ASIC2: variants seen among roughly 807,000 people sequenced by gnomAD.
The protein encoded by ASIC2 is acid sensing ion channel subunit 2, also known as acid-sensing ion channel 2.
In ASIC2, 25 loss-of-function variants were observed where a neutral mutation model predicts 57.3. The ratio of observed to expected loss-of-function variants is 0.44; its 90% CI spans 0.32 to 0.61. The LOEUF (loss-of-function observed/expected upper bound fraction) is 0.61, where lower values mean the gene tolerates loss of function less well. ASIC2 is among the 20% of genes least tolerant of loss of function. ASIC2 has a pLI of 0.06. For synonymous variants in ASIC2, 319 were observed against 307.5 expected, an observed-to-expected ratio of 1.04 and a Z score of -0.39; for missense variants, 641 against 738.1, an observed-to-expected ratio of 0.87 and a Z score of 1.52.
chr17:33,457,939 T>G (rs570537052), intron 1 of ASIC2, among the ~76,000 whole-genome samples: 35 of 152,326 alleles, frequency 2.3e-4, no homozygotes, highest in African/African-American at 8.2e-4. Flanking sequence ...GCTGCTACAC[T>G]GCACTACCCT....
intron 1 of ASIC2, among the ~76,000 whole-genome samples, chr17:33,589,198 G>T (rs1904745148): frequency 6.6e-6 from 1 of 152,192 alleles, no homozygotes; most frequent in Non-Finnish European, 1.5e-5. Flanking sequence ...GGAGCTCAGA[G>T]CTTAGTGTGG....
At chr17:34,013,829 G>A (rs1351523425) in intron 1 of ASIC2, among the ~76,000 whole-genome samples, 1 of 152,172 alleles carries the variant, frequency 6.6e-6, no homozygotes, top group Non-Finnish European at 1.5e-5. Flanking sequence ...CTCCAGGCAG[G>A]GGGCACCTGA....
chr17:33,869,158 C>T (rs1914323914), intron 1 of ASIC2, among the ~76,000 whole-genome samples: 1 of 152,152 alleles, frequency 6.6e-6, no homozygotes, highest in South Asian at 2.1e-4. Context: ...CGAAGTGACG[C>T]TCACTATCAT....
At position 33,877,648 on chromosome 17, in the gene ASIC2, G is replaced by A. The variant is rs1328210579; in HGVS notation, c.555+278330C>T. On this transcript the variant is annotated intron_variant, in intron 1 of 9. Coordinates refer to the ASIC2 transcript ENST00000359872. ...GGTGGAGCCCACTGCAGCTCAAGGAGGCCTGCCTGCCTCTGTAGACTCCAC... is the reference window on the plus strand; with the variant it reads ...GGTGGAGCCCACTGCAGCTCAAGGAAGCCTGCCTGCCTCTGTAGACTCCAC... Among the ~76,000 whole-genome samples the A allele has an allele frequency of 2.0e-5, 3 of 152,338 alleles. No homozygotes were observed. In the East Asian group the frequency reaches 5.8e-4, roughly 29 times the overall value.
chr17:33,136,209 C>T (rs2092366527), intron 1 of ASIC2, among the ~76,000 whole-genome samples: 1 of 152,186 alleles, frequency 6.6e-6, no homozygotes, highest in Non-Finnish European at 1.5e-5. Context: ...GCAATTTGCA[C>T]ATTTGTGTGT....
At chr17:33,103,064 T>A (rs1417222935) in intron 2 of ASIC2, among the ~76,000 whole-genome samples, 6 of 152,250 alleles carry the variant, frequency 3.9e-5, no homozygotes, top group Non-Finnish European at 7.3e-5. Flanking sequence ...ATTACAGGCC[T>A]GAGCCACAGC....
intron 1 of ASIC2, among the ~76,000 whole-genome samples, chr17:33,191,282 A>G (rs952615998): frequency 1.3e-5 from 2 of 152,164 alleles, no homozygotes; most frequent in Non-Finnish European, 2.9e-5. Flanking sequence ...TTGCCAGCTA[A>G]TCTACACTGA....
chr17:33,894,268 G>T (rs1445703468), intron 1 of ASIC2, among the ~76,000 whole-genome samples: 1 of 152,144 alleles, frequency 6.6e-6, no homozygotes, highest in African/African-American at 2.4e-5. Context: ...GGATGGGAAA[G>T]CCTGCTGGGC....
In ASIC2 at chr17:33,088,983, C is replaced by T. The variant is rs556982917; in HGVS notation, c.867G>A (p.Thr289=). 30 of 1,614,024 alleles carry T rather than the reference C, an allele frequency of 1.9e-5. No homozygotes were observed. The East Asian group carries it at 2.9e-4, about 16-fold the overall frequency. The change falls in exon 3 of 10, where the codon ACG becomes ACA. Residue 289 remains threonine, a synonymous_variant. Coordinates refer to ENST00000225823, the MANE Select transcript of ASIC2 (RefSeq NM_183377.2). ...GAACTTTCACTCCTGCTTCAAATGT[C>T]GTTTCCTCTGAAAGAACAAAGATGG... ...YLPIWGETEE[T]TFEAGVKVQI... is the part of the protein sequence containing the mutation.
chr17:33,830,572 G>A (rs1218046802), intron 1 of ASIC2, among the ~76,000 whole-genome samples: 1 of 151,618 alleles, frequency 6.6e-6, no homozygotes, highest in Non-Finnish European at 1.5e-5. Context: ...TTTACTTTAA[G>A]TTCTGGAATA....
intron 1 of ASIC2, among the ~76,000 whole-genome samples, chr17:33,218,940 A>T (rs552565279): frequency 6.6e-6 from 1 of 152,210 alleles, no homozygotes; most frequent in South Asian, 2.1e-4. Context: ...TGGAAGGGAG[A>T]GCTGAACTGG....
At chr17:33,355,851 T>C (rs550730977) in intron 1 of ASIC2, among the ~76,000 whole-genome samples, 76 of 152,196 alleles carry the variant, frequency 5.0e-4, no homozygotes, top group Non-Finnish European at 7.6e-4. Flanking sequence ...CAAAGTTTCT[T>C]GTTTGCTCAG....
intron 1 of ASIC2, among the ~76,000 whole-genome samples, chr17:33,991,654 G>A (rs16969084): frequency 0.026 from 4,008 of 152,240 alleles, 147 homozygotes; most frequent in African/African-American, 0.082. Context: ...CTTTCTCAAC[G>A]TTCCACAAAA....
intron 1 of ASIC2, among the ~76,000 whole-genome samples, chr17:33,298,928 C>T (rs4591196): frequency 0.49 from 73,943 of 151,938 alleles, 18,157 homozygotes; most frequent in East Asian, 0.74. Context: ...CACTGCTCAA[C>T]GAAATAAAAG....
chr17:33,823,746 T>G (rs1219385593), intron 1 of ASIC2, among the ~76,000 whole-genome samples: 1 of 152,222 alleles, frequency 6.6e-6, no homozygotes, highest in Admixed American at 6.5e-5. Flanking sequence ...ATCTGGGTAC[T>G]CCATACACTG....
intron 1 of ASIC2, among the ~76,000 whole-genome samples, chr17:33,654,065 A>G (rs1177918203): frequency 6.6e-6 from 1 of 152,212 alleles, no homozygotes; most frequent in African/African-American, 2.4e-5. Flanking sequence ...TAACATACTC[A>G]GTGAACCTCA....
intron 1 of ASIC2, among the ~76,000 whole-genome samples, chr17:33,232,931 G>A (rs1340598170): frequency 6.6e-6 from 1 of 152,048 alleles, no homozygotes; most frequent in Non-Finnish European, 1.5e-5. Context: ...GGCCCCTTTG[G>A]TGGGCACCAA....
chr17:33,538,955 A>G (rs1915321543), intron 1 of ASIC2, among the ~76,000 whole-genome samples: 1 of 152,138 alleles, frequency 6.6e-6, no homozygotes, highest in Non-Finnish European at 1.5e-5. Flanking sequence ...TCAGACTCTC[A>G]TTTTCCCCCA....
chr17:33,025,980 C>T lies in ASIC2; in HGVS notation c.1141G>A (p.Asp381Asn). 1 of 1,613,670 alleles carries T rather than the reference C, an allele frequency of 6.2e-7. No homozygotes were observed. The highest frequency in any genetic ancestry group is 8.5e-7 in the Non-Finnish European group (1 of 1,179,798). ...TGCTCAGGGGTACAAAAAGGGGCATCCCCTGCAAAGAAGAAACACCAGACA... is the reference window on the plus strand; with the variant it reads ...TGCTCAGGGGTACAAAAAGGGGCATTCCCTGCAAAGAAGAAACACCAGACA... ...CNCRMVHMPG[D>N]APFCTPEQHK... Residue 381 changes from aspartate to asparagine, a missense_variant and splice_region_variant, in exon 5 of 10, where the codon GAT (aspartate) becomes AAT (asparagine). Physicochemically the swap from Asp to Asn is conservative, Grantham distance 23. Around this residue, in one of 3 missense-constraint regions of ASIC2, gnomAD observed 252 missense variants for 319.8 expected, o/e 0.79. Coordinates refer to ENST00000225823, the MANE Select transcript of ASIC2 (RefSeq NM_183377.2).
Sources: gnomAD v4.1 joint callset for allele counts (sites outside exome capture counted in the v4.1 genomes callset) on GRCh38, gnomAD v4.1.1 for gene constraint, gnomAD v4.1.1 regional missense constraint, MANE v1.5 for transcripts, NCBI Gene and HGNC (gene_info 2026-07-23, HGNC 2026-07-21) for gene names.